Variants in CMIP observed in about 807,000 individuals in gnomAD.
The protein encoded by CMIP is C-Maf-inducing protein.
A neutral mutation model predicts 97.3 loss-of-function variants in CMIP; 13 were observed. The observed-to-expected ratio is 0.13, with a 90% CI of 0.09 to 0.21. CMIP has a LOEUF of 0.21. Ranked by LOEUF, CMIP falls within the 10% of genes least tolerant of loss-of-function variation. The pLI is 1.00. For missense variants in CMIP, 847 were observed against 1,024.9 expected (o/e 0.83, Z 2.37); for synonymous variants, 538 against 436.3 (o/e 1.23, Z -2.91).
chr16:81,572,615 G>A (rs1467099399), intron 1 of CMIP, among the ~76,000 whole-genome samples: 1 of 152,170 alleles, frequency 6.6e-6, no homozygotes, highest in Non-Finnish European at 1.5e-5. Context: ...TCTGAGAAGC[G>A]ACTTCCCCAG....
At chr16:81,701,079 G>T (rs980198540) in intron 15 of CMIP, among the ~76,000 whole-genome samples, 1 of 151,728 alleles carries the variant, frequency 6.6e-6, no homozygotes, top group African/African-American at 2.4e-5. Flanking sequence ...GAGCCCAGGA[G>T]GTTGAAACTA....
intron 1 of CMIP, among the ~76,000 whole-genome samples, chr16:81,465,037 C>T (rs899007750): frequency 1.3e-5 from 2 of 152,130 alleles, no homozygotes; most frequent in African/African-American, 2.4e-5. Context: ...TATTTATTAT[C>T]GCCCCTGCTT....
At position 81,709,505 on chromosome 16, in the gene CMIP, C is replaced by T. The variant is rs148392883; in HGVS notation, c.2269-241C>T. Among the ~76,000 whole-genome samples the T allele has an allele frequency of 9.9e-3, 1,506 of 152,300 alleles. 12 individuals are homozygous for T. Among genetic ancestry groups the T allele is most frequent in the Non-Finnish European group, 0.017 (1,129 of 68,028 alleles). On this transcript the variant is annotated intron_variant, in intron 20 of 20. Transcript: ENST00000537098. ...CACCTGCGAAGACAGAGACCAAAGG[C>T]CATCTGAGGCGGGGGCATGGGAACC...
At chr16:81,495,774 C>T (rs1362016701) in intron 1 of CMIP, among the ~76,000 whole-genome samples, 1 of 152,224 alleles carries the variant, frequency 6.6e-6, no homozygotes, top group Non-Finnish European at 1.5e-5. Flanking sequence ...TGTGGTCAGC[C>T]ATGGCCACTC....
At chr16:81,677,259 T>C (rs1299886616) in intron 9 of CMIP, among the ~76,000 whole-genome samples, 1 of 152,150 alleles carries the variant, frequency 6.6e-6, no homozygotes, top group African/African-American at 2.4e-5. Context: ...GATCCTGGGC[T>C]TTGGGGTCCA....
intron 1 of CMIP, among the ~76,000 whole-genome samples, chr16:81,458,562 G>A (rs1366609932): frequency 6.6e-6 from 1 of 152,128 alleles, no homozygotes; most frequent in Non-Finnish European, 1.5e-5. Flanking sequence ...TTGCTTGAAG[G>A]GGATCAGGAA....
At chr16:81,469,397 C>T (rs989399109) in intron 1 of CMIP, among the ~76,000 whole-genome samples, 3 of 152,322 alleles carry the variant, frequency 2.0e-5, no homozygotes, top group East Asian at 1.9e-4. Context: ...GGGCAGATAG[C>T]GGTACCAACT....
intron 1 of CMIP, among the ~76,000 whole-genome samples, chr16:81,578,837 G>A (rs988881599): frequency 6.6e-6 from 1 of 152,230 alleles, no homozygotes; most frequent in Non-Finnish European, 1.5e-5. Context: ...TTGCAGGGAA[G>A]CCTTCACTCC....
chr16:81,445,410 G>A lies in CMIP; in HGVS notation c.169G>A (p.Glu57Lys). 1 of 1,601,542 alleles carries A rather than the reference G, an allele frequency of 6.2e-7. No homozygotes were observed. The highest frequency in any genetic ancestry group is 8.5e-7 in the Non-Finnish European group (1 of 1,174,376). The change falls in exon 1 of 21, where the codon GAG (glutamate) becomes AAG (lysine). Residue 57 changes from glutamate to lysine, a missense_variant. Glu to Lys is a moderately conservative substitution (Grantham distance 56). Around this residue, in one of 4 missense-constraint regions of CMIP, gnomAD observed 94 missense variants for 79.9 expected, o/e 1.18. Transcript: ENST00000537098. ...CGGGATGAGGTACAAACTGCTGCAGGAGGGCGACATTCAGGTCTGTGTCAT... is the reference window on the plus strand; with the variant it reads ...CGGGATGAGGTACAAACTGCTGCAGAAGGGCGACATTCAGGTCTGTGTCAT... ...CNGMRYKLLQ[E>K]GDIQVCVIRH...
intron 1 of CMIP, among the ~76,000 whole-genome samples, chr16:81,449,023 C>T (rs1409949132): frequency 2.0e-5 from 3 of 152,256 alleles, no homozygotes; most frequent in East Asian, 3.8e-4. Flanking sequence ...CATTTTGCTG[C>T]TCTCGTCTGT....
At chr16:81,454,592 A>C (rs1311554866) in intron 1 of CMIP, among the ~76,000 whole-genome samples, 1 of 152,222 alleles carries the variant, frequency 6.6e-6, no homozygotes, top group Non-Finnish European at 1.5e-5. Flanking sequence ...TAACTTGAAC[A>C]CCATATATTA....
intron 2 of CMIP, among the ~76,000 whole-genome samples, chr16:81,613,875 T>C (rs1567610860): frequency 6.6e-6 from 1 of 152,186 alleles, no homozygotes; most frequent in African/African-American, 2.4e-5. Context: ...ATCTATCCAA[T>C]TCATTCATTC....
intron 7 of CMIP, among the ~76,000 whole-genome samples, chr16:81,668,433 A>G (rs2092634652): frequency 6.6e-6 from 1 of 152,034 alleles, no homozygotes; most frequent in Non-Finnish European, 1.5e-5. Flanking sequence ...CAAGCCCCCC[A>G]CTGGGCTGGG....
At chr16:81,678,734 A>G (rs183040853) in intron 10 of CMIP, 106 bp downstream of exon 10, 15 of 613,266 alleles carry the variant, frequency 2.4e-5, no homozygotes, top group Non-Finnish European at 2.9e-5. Context: ...AGGGCCGGGC[A>G]TGGTAGAGTG....
chr16:81,666,466 C>G (rs553365993), intron 7 of CMIP: 5 of 152,230 alleles, frequency 3.3e-5, no homozygotes, highest in African/African-American at 1.2e-4. Context: ...CCATACAACG[C>G]CTTTCTTGTA....
rs563364456 is a variant in CMIP at position 81,621,460 on chromosome 16, A to C, written c.477+534A>C. Reference sequence around the variant, plus strand: ...GGGAACTTCATCTTCTTGGAGACCCAGGGGCAGATCTTCTAAGAGGGGTCC... The same window carrying C: ...GGGAACTTCATCTTCTTGGAGACCCCGGGGCAGATCTTCTAAGAGGGGTCC... On this transcript the variant is annotated intron_variant, in intron 3 of 20. Coordinates refer to ENST00000537098, the MANE Select transcript of CMIP (RefSeq NM_198390.3). The surrounding 1 kb of genome is among the most constrained non-coding windows in gnomAD (Gnocchi z 4.1). 1 of 154,186 alleles carries C rather than the reference A, an allele frequency of 6.5e-6. No homozygotes were observed. Among genetic ancestry groups the C allele is most frequent in the African/African-American group, 2.4e-5 (1 of 41,580 alleles). The allele number at this position is 154,186 out of a possible 1,614,324, so 9.6% of individuals were successfully genotyped here. A position where few individuals can be genotyped will look rare whatever the true frequency, so the allele number is the denominator to read the frequency against.
intron 1 of CMIP, among the ~76,000 whole-genome samples, chr16:81,593,171 G>T (rs182388868): frequency 1.3e-5 from 2 of 152,182 alleles, no homozygotes; most frequent in African/African-American, 4.8e-5. Flanking sequence ...CCTCTTGACC[G>T]TCTCCACAGA....
intron 1 of CMIP, among the ~76,000 whole-genome samples, chr16:81,598,860 T>G (rs1468237142): frequency 2.0e-5 from 3 of 150,088 alleles, no homozygotes; most frequent in Non-Finnish European, 4.4e-5. Context: ...TCCCAGCTAC[T>G]TGGGAGGCTG....
chr16:81,573,510 G>A (rs931063257), intron 1 of CMIP, among the ~76,000 whole-genome samples: 5 of 152,184 alleles, frequency 3.3e-5, no homozygotes, highest in African/African-American at 1.2e-4. Context: ...GGCCTGGGAT[G>A]CAGGAGACTG....
Sources: gnomAD v4.1 joint callset for allele counts (sites outside exome capture counted in the v4.1 genomes callset) on GRCh38, gnomAD v4.1.1 for gene constraint, gnomAD v4.1.1 regional missense constraint, Gnocchi (gnomAD v3.1) non-coding constraint, MANE v1.5 for transcripts, NCBI Gene and HGNC (gene_info 2026-07-23, HGNC 2026-07-21) for gene names.